RANBP2: variants seen among roughly 807,000 people sequenced by gnomAD.
The protein encoded by RANBP2 is RAN binding protein 2.
RANBP2 carries 57 observed loss-of-function variants against 303.6 expected under a neutral mutation model. The ratio of observed to expected loss-of-function variants is 0.19; its 90% CI spans 0.15 to 0.23. The LOEUF is 0.23. Among genes scored for constraint, RANBP2 ranks in the 10% least tolerant of loss-of-function variants. The probability of loss-of-function intolerance (pLI) is 1.00; values close to 1 mark genes in which losing one functional copy is unlikely to be tolerated. For synonymous variants in RANBP2, 1,167 were observed against 1,301.5 expected (o/e 0.90, Z 2.23); for missense variants, 3,138 against 3,780.8 (o/e 0.83, Z 4.46).
rs1350847919 is a variant in RANBP2 at position 108,719,644 on chromosome 2, C to T, written c.38C>T (p.Ala13Val). ...AAGGCTGACGTGGAGCGGTACATCGCCTCGGTGCAGGGCTCCACCCCGTCG... is the reference window on the plus strand; with the variant it reads ...AAGGCTGACGTGGAGCGGTACATCGTCTCGGTGCAGGGCTCCACCCCGTCG... The part of the protein sequence containing the change: ...RSKADVERYI[A>V]SVQGSTPSPR... The change falls in exon 1 of 29, where the codon GCC becomes GTC. Residue 13 changes from alanine to valine, a missense_variant. Around this residue, in one of 20 missense-constraint regions of RANBP2, gnomAD observed 306 missense variants for 381.9 expected, o/e 0.80. Transcript: ENST00000283195. The T allele has an allele frequency of 5.0e-6, 8 of 1,608,044 alleles. No individual in the cohort carries two copies. The highest frequency in any genetic ancestry group is 5.1e-6 in the Non-Finnish European group (6 of 1,178,370).
chr2:109,570,361 C>T, the RANBP2 span, among the ~76,000 whole-genome samples: 6 of 152,136 alleles, frequency 3.9e-5, no homozygotes, highest in Non-Finnish European at 5.9e-5. Flanking sequence ...AATGTCTTTA[C>T]AGTTGCCCCC....
chr2:108,817,700 A>G, the RANBP2 span, among the ~76,000 whole-genome samples: 1 of 152,202 alleles, frequency 6.6e-6, no homozygotes, highest in Admixed American at 6.5e-5. Flanking sequence ...CAACTTGAAT[A>G]AGCAAGGAAA....
chr2:109,490,517 A>G, the RANBP2 span: 5 of 1,091,462 alleles, frequency 4.6e-6, no homozygotes, highest in African/African-American at 6.4e-5. Flanking sequence ...ATAAAGTTCC[A>G]CATAGGAAGA....
At chr2:109,024,952 C>G in the RANBP2 span, among the ~76,000 whole-genome samples, 1 of 152,148 alleles carries the variant, frequency 6.6e-6, no homozygotes, top group Non-Finnish European at 1.5e-5. Flanking sequence ...GCCATCACCA[C>G]TCCTTCCAAA....
the RANBP2 span, chr2:109,544,328 G>A: frequency 1.3e-6 from 2 of 1,577,462 alleles, no homozygotes; most frequent in Non-Finnish European, 1.7e-6. Context: ...ATTGGAGCTG[G>A]AAAGAAAAAG....
At chr2:108,951,726 C>T in the RANBP2 span, among the ~76,000 whole-genome samples, 23 of 152,148 alleles carry the variant, frequency 1.5e-4, no homozygotes, top group East Asian at 4.1e-3. Context: ...AAGGTTCTTC[C>T]ATTTCTGCGA....
At chr2:109,505,517 AT>A in the RANBP2 span, among the ~76,000 whole-genome samples, 406 of 152,156 alleles carry the variant, frequency 2.7e-3, 1 homozygote, top group African/African-American at 9.5e-3. Context: ...AAATAAAATA[AT>A]TTTTTTTAAA....
At chr2:109,629,222 A>C in the RANBP2 span, among the ~76,000 whole-genome samples, 1 of 131,412 alleles carries the variant, frequency 7.6e-6, no homozygotes, top group Non-Finnish European at 1.6e-5. Flanking sequence ...AAATAAATAA[A>C]TAAATAAATA....
the RANBP2 span, among the ~76,000 whole-genome samples, chr2:108,853,932 A>T: frequency 4.0e-5 from 5 of 123,620 alleles, no homozygotes; most frequent in Non-Finnish European, 4.8e-5. Flanking sequence ...ATTATATATA[A>T]TTTATATATA....
chr2:109,381,396 T>C, the RANBP2 span, among the ~76,000 whole-genome samples: 2 of 152,196 alleles, frequency 1.3e-5, no homozygotes, highest in Non-Finnish European at 2.9e-5. Flanking sequence ...CACCTAACTT[T>C]AGCTCCTCTC....
chr2:109,176,920 C>A, the RANBP2 span, among the ~76,000 whole-genome samples: 1 of 152,124 alleles, frequency 6.6e-6, no homozygotes, highest in Non-Finnish European at 1.5e-5. Flanking sequence ...CAGGGTGAGA[C>A]TGGTGGAAAG....
the RANBP2 span, among the ~76,000 whole-genome samples, chr2:109,409,776 T>C: frequency 1.0e-5 from 1 of 99,302 alleles, no homozygotes; most frequent in Non-Finnish European, 2.1e-5. Flanking sequence ...AGCAGAAGAA[T>C]CAGCCATAAA....
At chr2:108,927,428 C>T in the RANBP2 span, among the ~76,000 whole-genome samples, 1 of 152,216 alleles carries the variant, frequency 6.6e-6, no homozygotes, top group South Asian at 2.1e-4. Context: ...ACCACCCTTC[C>T]AGTGTCCAAC....
At chr2:109,676,307 A>T in the RANBP2 span, among the ~76,000 whole-genome samples, 3 of 152,182 alleles carry the variant, frequency 2.0e-5, no homozygotes, top group African/African-American at 7.2e-5. Flanking sequence ...AGCCTTTCCC[A>T]GTGCCCGCCT....
chr2:109,078,948 A>G, the RANBP2 span, among the ~76,000 whole-genome samples: 2 of 151,986 alleles, frequency 1.3e-5, no homozygotes, highest in Non-Finnish European at 2.9e-5. Context: ...CCGAGATCGC[A>G]CAATTGCTTT....
the RANBP2 span, among the ~76,000 whole-genome samples, chr2:109,316,769 T>G: frequency 1.2e-3 from 183 of 152,248 alleles, no homozygotes; most frequent in African/African-American, 4.1e-3. Flanking sequence ...CTCAGTACTT[T>G]CCCTGCCCTT....
chr2:108,990,248 G>A, the RANBP2 span, among the ~76,000 whole-genome samples: 154 of 151,902 alleles, frequency 1.0e-3, no homozygotes, highest in Non-Finnish European at 1.9e-3. Context: ...TGGCTAACAA[G>A]GTGAAACCCC....
chr2:109,458,266 T>C, the RANBP2 span, among the ~76,000 whole-genome samples: 1 of 152,166 alleles, frequency 6.6e-6, no homozygotes, highest in Non-Finnish European at 1.5e-5. Flanking sequence ...ATTAATCTTT[T>C]CAGAGGATTC....
the RANBP2 span, among the ~76,000 whole-genome samples, chr2:108,910,019 G>T: frequency 2.0e-5 from 3 of 152,198 alleles, no homozygotes; most frequent in Non-Finnish European, 4.4e-5. Context: ...CCAGCACTTG[G>T]TGGGCAGTAG....
Sources: allele counts gnomAD v4.1 joint callset (sites outside exome capture counted in the v4.1 genomes callset), GRCh38; gene constraint gnomAD v4.1.1; regional missense constraint gnomAD v4.1.1; transcripts MANE v1.5; gene names NCBI Gene and HGNC (gene_info 2026-07-23, HGNC 2026-07-21).